The following YES1 variants were observed in gnomAD, a reference collection of about 807,000 sequenced individuals.
YES1 encodes the protein tyrosine-protein kinase Yes.
YES1 carries 39 observed loss-of-function variants against 70.4 expected under a neutral mutation model. The ratio of observed to expected loss-of-function variants is 0.55; its 90% CI spans 0.43 to 0.72. YES1 has a LOEUF of 0.72. YES1 is among the 30% of genes least tolerant of loss of function. The pLI, the probability that YES1 is intolerant of heterozygous loss-of-function variation, is 0.00. For missense variants in YES1, 495 were observed against 644.8 expected, an observed-to-expected ratio of 0.77 and a Z score of 2.52; for synonymous variants, 198 against 218.6, an observed-to-expected ratio of 0.91 and a Z score of 0.83.
At chr18:753,563 C>A (rs1394004853) in intron 2 of YES1, among the ~76,000 whole-genome samples, 2 of 152,068 alleles carry the variant, frequency 1.3e-5, no homozygotes, top group African/African-American at 4.8e-5. Context: ...CTGGGCTCAC[C>A]ACAACCTCAC....
At chr18:795,807 G>C (rs979208430) in intron 1 of YES1, among the ~76,000 whole-genome samples, 1 of 151,860 alleles carries the variant, frequency 6.6e-6, no homozygotes, top group Admixed American at 6.6e-5. Flanking sequence ...TAATGCATGC[G>C]GGGCTTAAGA....
intron 1 of YES1, among the ~76,000 whole-genome samples, chr18:762,348 C>T (rs1229973103): frequency 2.0e-5 from 3 of 152,004 alleles, no homozygotes; most frequent in East Asian, 3.9e-4. Context: ...AATGTAACAT[C>T]ATTTAAAACA....
intron 9 of YES1, 47 bp downstream of exon 9, chr18:739,683 CATTTT>C (rs2080194135): frequency 1.0e-5 from 14 of 1,370,890 alleles, no homozygotes; most frequent in Non-Finnish European, 1.4e-5. Flanking sequence ...GATTATTCCA[CATTTT>C]AATTTACACT....
At chr18:808,262 C>T (rs117512062) in intron 1 of YES1, among the ~76,000 whole-genome samples, 1,955 of 152,310 alleles carry the variant, frequency 0.013, 21 homozygotes, top group Admixed American at 0.023. Flanking sequence ...TGGCTCTTCT[C>T]TTTCACCCTC....
In YES1 at chr18:722,822, G is replaced by A. The variant is rs1195926479; in HGVS notation, c.*1602C>T. The A allele has an allele frequency of 6.6e-6, 1 of 152,192 alleles. No individual in the cohort carries two copies. Among genetic ancestry groups the A allele is most frequent in the Non-Finnish European group, 1.5e-5 (1 of 68,056 alleles). 9.4% of individuals were successfully genotyped at this position (152,192 alleles called of 1,614,324 possible). A position where few individuals can be genotyped will look rare whatever the true frequency, so the allele number is the denominator to read the frequency against. On this transcript the variant is annotated 3_prime_UTR_variant, in exon 12 of 12. Coordinates refer to ENST00000314574, the MANE Select transcript of YES1 (RefSeq NM_005433.4). ...TAGAAGTGAATGTAGGCTGGGCGCGGTGGCTCACGCCTGTAATCCCAGCAC... is the reference window on the plus strand; with the variant it reads ...TAGAAGTGAATGTAGGCTGGGCGCGATGGCTCACGCCTGTAATCCCAGCAC...
At chr18:785,433 C>T (rs1905886389) in intron 1 of YES1, among the ~76,000 whole-genome samples, 1 of 152,102 alleles carries the variant, frequency 6.6e-6, no homozygotes, top group African/African-American at 2.4e-5. Flanking sequence ...GAAAGAGAAA[C>T]AAGTAAAGCT....
At chr18:773,425 C>T (rs1905239650) in intron 1 of YES1, among the ~76,000 whole-genome samples, 1 of 152,144 alleles carries the variant, frequency 6.6e-6, no homozygotes, top group South Asian at 2.1e-4. Flanking sequence ...TAAAACAGCC[C>T]CTTTCCTATT....
At chr18:750,093 C>T (rs2080326613) in intron 3 of YES1, among the ~76,000 whole-genome samples, 1 of 152,094 alleles carries the variant, frequency 6.6e-6, no homozygotes, top group Non-Finnish European at 1.5e-5. Flanking sequence ...AAGGCACTGT[C>T]TAAATTAAAA....
rs559168052 is a variant in YES1 at position 729,938 on chromosome 18, TTGA to T, written c.1423+2893_1423+2895del. Among the ~76,000 whole-genome samples the T allele has an allele frequency of 2.5e-3, 382 of 152,342 alleles. 2 individuals carry two copies. The highest frequency in any genetic ancestry group is 8.4e-3 in the African/African-American group (348 of 41,584). On this transcript the variant is annotated intron_variant, in intron 11 of 11. Coordinates refer to ENST00000314574, the MANE Select transcript of YES1 (RefSeq NM_005433.4). The stretch of plus-strand genomic sequence containing the variant: ...CAGCGCCCAGCCAGATTTTGAACTC[TTGA>T]TAATCAGTCATCTCTTCCCTTCTTC...
intron 1 of YES1, among the ~76,000 whole-genome samples, chr18:787,346 G>A (rs940074202): frequency 9.2e-5 from 14 of 151,360 alleles, no homozygotes; most frequent in East Asian, 3.9e-4. Flanking sequence ...TGGTCCGCCC[G>A]CCTCGGCCTC....
chr18:736,949 T>C lies in YES1; in HGVS notation c.1150A>G (p.Met384Val). The change falls in exon 10 of 12, where the codon ATG (methionine) becomes GTG (valine). Residue 384 changes from methionine to valine, a missense_variant. Met to Val is a conservative substitution (Grantham distance 21). Transcript: ENST00000314574. ...VDMAAQIADG[M>V]AYIERMNYIH... ...TAGTTCATTCTTTCAATATATGCCA[T>C]ACCATCAGCAATCTTGGAAAGAGAA... 6.2e-7 allele frequency: 1 copy of C among 1,607,160 alleles called. No individual in the cohort carries two copies. The highest frequency in any genetic ancestry group is 8.5e-7 in the Non-Finnish European group (1 of 1,179,236).
At chr18:739,548 G>T in intron 9 of YES1, 187 bp downstream of exon 9, 1 of 425,668 alleles carries the variant, frequency 2.3e-6, no homozygotes, top group Non-Finnish European at 4.1e-6. Flanking sequence ...GGCTCTTCAA[G>T]CACGGAGCTA....
At chr18:739,374 T>A (rs764919542) in intron 9 of YES1, 12 of 161,632 alleles carry the variant, frequency 7.4e-5, no homozygotes, top group Non-Finnish European at 1.6e-4. Flanking sequence ...GGTGGGAGGA[T>A]CCTTTGAGCC....
intron 1 of YES1, among the ~76,000 whole-genome samples, chr18:809,883 G>T (rs1187854758): frequency 2.0e-5 from 3 of 152,066 alleles, no homozygotes; most frequent in Non-Finnish European, 4.4e-5. Flanking sequence ...CAGGTTAAAA[G>T]AACTTTGTCA....
chr18:797,444 A>C (rs1186885588), intron 1 of YES1, among the ~76,000 whole-genome samples: 1 of 152,084 alleles, frequency 6.6e-6, no homozygotes, highest in Non-Finnish European at 1.5e-5. Flanking sequence ...TTTATTATGG[A>C]AAGAGGAAAA....
chr18:758,707 G>A (rs1185117059), intron 1 of YES1, among the ~76,000 whole-genome samples: 2 of 151,910 alleles, frequency 1.3e-5, no homozygotes, highest in Non-Finnish European at 2.9e-5. Context: ...TTCTTATGAG[G>A]CTCACTTTAT....
At chr18:725,117 A>G (rs1392924441) in intron 11 of YES1, among the ~76,000 whole-genome samples, 2 of 152,142 alleles carry the variant, frequency 1.3e-5, no homozygotes, top group East Asian at 3.8e-4. Context: ...ATCTAATATT[A>G]CCTGTTTGAC....
At chr18:741,339 G>A (rs866228499) in intron 8 of YES1, among the ~76,000 whole-genome samples, 20 of 151,706 alleles carry the variant, frequency 1.3e-4, no homozygotes, top group African/African-American at 4.8e-4. Flanking sequence ...AACCTCCTGG[G>A]CTCAAGCAAT....
At chr18:731,055 T>C (rs980090816) in intron 11 of YES1, among the ~76,000 whole-genome samples, 1 of 152,154 alleles carries the variant, frequency 6.6e-6, no homozygotes, top group Non-Finnish European at 1.5e-5. Flanking sequence ...GCAGAAACAG[T>C]GGAGTAAAGA....
Sources: allele counts gnomAD v4.1 joint callset (sites outside exome capture counted in the v4.1 genomes callset), GRCh38; gene constraint gnomAD v4.1.1; transcripts MANE v1.5; gene names NCBI Gene and HGNC (gene_info 2026-07-23, HGNC 2026-07-21).